The following NRXN3 variants were observed in gnomAD, a reference collection of about 807,000 sequenced individuals.
The protein encoded by NRXN3 is neurexin III.
In NRXN3, 32 loss-of-function variants were observed where a neutral mutation model predicts 137.6. The ratio of observed to expected loss-of-function variants is 0.23; its 90% CI spans 0.18 to 0.31. The LOEUF is 0.31. Ranked by LOEUF, NRXN3 falls within the 10% of genes least tolerant of loss-of-function variation. The pLI is 1.00. For missense variants in NRXN3, 1,574 were observed against 2,062.5 expected, an observed-to-expected ratio of 0.76 and a Z score of 4.59; for synonymous variants, 798 against 784.5, an observed-to-expected ratio of 1.02 and a Z score of -0.29.
chr14:79,669,952 A>T (rs1444658196), intron 17 of NRXN3, among the ~76,000 whole-genome samples: 1 of 152,082 alleles, frequency 6.6e-6, no homozygotes, highest in Non-Finnish European at 1.5e-5. Flanking sequence ...AAGCTAAAAA[A>T]TGTGTCTTTC....
intron 15 of NRXN3, among the ~76,000 whole-genome samples, chr14:79,271,907 A>G (rs183253039): frequency 2.6e-5 from 4 of 152,304 alleles, no homozygotes; most frequent in Middle Eastern, 3.4e-3. Flanking sequence ...AAACTATTCT[A>G]TGAGGTAGAG....
At chr14:79,574,194 T>C (rs1443872947) in intron 16 of NRXN3, among the ~76,000 whole-genome samples, 1 of 151,774 alleles carries the variant, frequency 6.6e-6, no homozygotes, top group Admixed American at 6.6e-5. Context: ...TCTCTTATAT[T>C]TCTTCCTCCA....
chr14:79,386,692 C>G (rs1378458027), intron 15 of NRXN3, among the ~76,000 whole-genome samples: 1 of 152,174 alleles, frequency 6.6e-6, no homozygotes, highest in Non-Finnish European at 1.5e-5. Context: ...CACTACCTGA[C>G]TTCAAACTAT....
At chr14:79,296,459 A>C (rs1302000928) in intron 15 of NRXN3, among the ~76,000 whole-genome samples, 14 of 152,014 alleles carry the variant, frequency 9.2e-5, no homozygotes, top group South Asian at 4.1e-4. Flanking sequence ...AAAAAAAAAA[A>C]ACCAGATGTT....
chr14:79,565,106 G>A (rs1438615034), intron 16 of NRXN3, among the ~76,000 whole-genome samples: 1 of 151,692 alleles, frequency 6.6e-6, no homozygotes, highest in Non-Finnish European at 1.5e-5. Flanking sequence ...TAATATTATT[G>A]AAATTTTATA....
chr14:78,595,083 A>G (rs1227645055), intron 4 of NRXN3, among the ~76,000 whole-genome samples: 1 of 152,216 alleles, frequency 6.6e-6, no homozygotes, highest in Non-Finnish European at 1.5e-5. Flanking sequence ...AAAGCAAGAG[A>G]GCTAAGAAGA....
rs563059172 is a variant in NRXN3 at position 79,838,942 on chromosome 14, T to C, written c.4094-22400T>C. ...AGACAAAATTACAACAAATTTAGCTTAAAGATGTATTGGTTTTACTTGCAA... is the reference window on the plus strand; with the variant it reads ...AGACAAAATTACAACAAATTTAGCTCAAAGATGTATTGGTTTTACTTGCAA... On this transcript the variant is annotated intron_variant, in intron 20 of 20. Coordinates refer to ENST00000335750, the MANE Select transcript of NRXN3 (RefSeq NM_001330195.2). 3.3e-5 allele frequency among the ~76,000 whole-genome samples: 5 copies of C among 152,314 alleles called. No homozygotes were observed. The East Asian group carries it at 9.6e-4, about 29-fold the overall frequency.
At chr14:79,160,736 C>T (rs2060691811) in intron 15 of NRXN3, among the ~76,000 whole-genome samples, 1 of 151,772 alleles carries the variant, frequency 6.6e-6, no homozygotes, top group Admixed American at 6.6e-5. Context: ...TAAAATGATA[C>T]TCAGATACTT....
At chr14:79,628,631 A>G (rs1423436240) in intron 16 of NRXN3, among the ~76,000 whole-genome samples, 1 of 152,198 alleles carries the variant, frequency 6.6e-6, no homozygotes, top group Non-Finnish European at 1.5e-5. Flanking sequence ...TGGCAGAGCC[A>G]AGCCTTCTGC....
At chr14:79,149,478 A>G (rs1440143983) in intron 15 of NRXN3, among the ~76,000 whole-genome samples, 1 of 152,080 alleles carries the variant, frequency 6.6e-6, no homozygotes, top group East Asian at 1.9e-4. Context: ...TCTTTCAGAA[A>G]AAATCAAGTG....
chr14:79,174,283 T>G (rs1232826608), intron 15 of NRXN3, among the ~76,000 whole-genome samples: 2 of 152,002 alleles, frequency 1.3e-5, no homozygotes, highest in Non-Finnish European at 2.9e-5. Flanking sequence ...AAGAAAAAAT[T>G]CAGATTATCC....
intron 15 of NRXN3, among the ~76,000 whole-genome samples, chr14:79,465,358 T>TGAGTGTAGA (rs2096407536): frequency 6.6e-6 from 1 of 152,154 alleles, no homozygotes; most frequent in African/African-American, 2.4e-5. Context: ...ATCCTCCAGA[T>TGAGTGTAGA]GAGTGTAGAG....
chr14:78,642,923 C>T (rs1254620186), intron 4 of NRXN3, among the ~76,000 whole-genome samples: 2 of 152,140 alleles, frequency 1.3e-5, no homozygotes, highest in African/African-American at 4.8e-5. Context: ...GTGCAAGCTA[C>T]CCTGTGAGCA....
At position 78,808,029 on chromosome 14, in the gene NRXN3, A is replaced by C. The variant is rs182241996; in HGVS notation, c.2249-2289A>C. Among the ~76,000 whole-genome samples, 4 of 152,058 alleles carry C rather than the reference A, an allele frequency of 2.6e-5. No homozygotes were observed. In the South Asian group the frequency reaches 6.2e-4, roughly 24 times the overall value. On this transcript the variant is annotated intron_variant, in intron 9 of 20. Coordinates refer to ENST00000335750, the MANE Select transcript of NRXN3 (RefSeq NM_001330195.2). The stretch of plus-strand genomic sequence containing the variant: ...AATGTGTATGTGTGCGTGTGTCTAT[A>C]TACACACGCACACACACACATATTT...
At chr14:79,620,863 G>T (rs183781898) in intron 16 of NRXN3, among the ~76,000 whole-genome samples, 7 of 152,130 alleles carry the variant, frequency 4.6e-5, no homozygotes, top group African/African-American at 1.4e-4. Context: ...GAGACCTGAA[G>T]GGAATAAGAT....
intron 4 of NRXN3, among the ~76,000 whole-genome samples, chr14:78,301,492 G>C (rs2076873975): frequency 6.6e-6 from 1 of 152,200 alleles, no homozygotes; most frequent in Non-Finnish European, 1.5e-5. Flanking sequence ...CCCGAGCCTA[G>C]AGAACCTGGC....
chr14:79,111,661 C>G (rs1161346192), intron 15 of NRXN3, among the ~76,000 whole-genome samples: 1 of 151,348 alleles, frequency 6.6e-6, no homozygotes, highest in Non-Finnish European at 1.5e-5. Context: ...TCTCTTAAAC[C>G]TGGGAGGTGG....
At chr14:78,779,296 A>G (rs556929859) in intron 8 of NRXN3, among the ~76,000 whole-genome samples, 12 of 152,264 alleles carry the variant, frequency 7.9e-5, no homozygotes, top group Non-Finnish European at 1.6e-4. Flanking sequence ...TCAAAAATGT[A>G]GAAACATTTA....
intron 15 of NRXN3, among the ~76,000 whole-genome samples, chr14:79,104,363 G>C (rs1353894496): frequency 6.6e-6 from 1 of 152,106 alleles, no homozygotes; most frequent in Non-Finnish European, 1.5e-5. Context: ...ATGAGGCTAT[G>C]AGTATAGATG....
Sources: gnomAD v4.1 joint callset for allele counts (sites outside exome capture counted in the v4.1 genomes callset) on GRCh38, gnomAD v4.1.1 for gene constraint, MANE v1.5 for transcripts, NCBI Gene and HGNC (gene_info 2026-07-23, HGNC 2026-07-21) for gene names.